Variants in PARP14 observed in about 807,000 individuals in gnomAD.
PARP14 encodes poly(ADP-ribose) polymerase family member 14, also known as protein mono-ADP-ribosyltransferase PARP14.
A neutral mutation model predicts 154.2 loss-of-function variants in PARP14; 59 were observed. The ratio of observed to expected loss-of-function variants is 0.38; its 90% CI spans 0.31 to 0.48. The LOEUF is 0.48. PARP14 is among the 20% of genes least tolerant of loss of function. PARP14 has a pLI of 0.98. For synonymous variants in PARP14, 720 were observed against 780.5 expected (o/e 0.92, Z 1.29); for missense variants, 1,734 against 2,131.6 (o/e 0.81, Z 3.67).
chr3:122,715,635 T>TATC (rs999358215), intron 12 of PARP14, among the ~76,000 whole-genome samples: 1 of 150,556 alleles, frequency 6.6e-6, no homozygotes, highest in Non-Finnish European at 1.5e-5. Context: ...TCTATCTATC[T>TATC]ATCTATCTAT....
Position 122,685,237 on chromosome 3 carries a change from A to G in PARP14, c.240A>G (p.Lys80=), listed in dbSNP as rs756766871. Residue 80 remains lysine (K), a synonymous_variant, in exon 2 of 17, where the codon AAA becomes AAG. Transcript: ENST00000474629. ...ATCATGAGTTGGTATGGCAAGGAAA[A>G]GGAACATTCAAGTTAACTGTCCAGT... ...RKNHELVWQG[K]GTFKLTVQLP... The G allele has an allele frequency of 2.4e-5, 39 of 1,613,772 alleles. No individual in the cohort carries two copies. The highest frequency in any genetic ancestry group is 3.3e-4 in the Middle Eastern group (2 of 6,084).
chr3:122,718,031 CTTT>C, intron 12 of PARP14, 37 bp from the exon 13 acceptor site: 2 of 1,534,354 alleles, frequency 1.3e-6, no homozygotes, highest in Non-Finnish European at 1.8e-6. Context: ...CCACTTGGGG[CTTT>C]TTTGTCCTTC....
At position 122,701,094 on chromosome 3, in the gene PARP14, C is replaced by A; in HGVS notation, c.2540C>A (p.Ala847Asp). 2.5e-6 allele frequency: 4 copies of A among 1,613,990 alleles called. No homozygotes were observed. The highest frequency in any genetic ancestry group is 3.4e-6 in the Non-Finnish European group (4 of 1,179,904). The change falls in exon 6 of 17, where the codon GCC becomes GAC. Residue 847 changes from alanine to aspartate, a missense_variant. Physicochemically the swap from Ala to Asp is moderately radical, Grantham distance 126 (BLOSUM62 -2). Coordinates refer to ENST00000474629, the MANE Select transcript of PARP14 (RefSeq NM_017554.3). This position sits in a 1 kb window ranked among gnomAD's most constrained non-coding sequence, Gnocchi z 4.0. The part of the protein sequence containing the change: ...LSKAAGPELQ[A>D]DCDQIVKREG... ...AAAGCAGCTGGCCCTGAGCTCCAGG[C>A]CGACTGTGACCAGATAGTGAAGAGA...
In PARP14 at chr3:122,680,936, A is replaced by AC. The variant is rs1405165131; in HGVS notation, c.59dup (p.Lys21GlufsTer23). 1 of 1,609,886 alleles carries AC rather than the reference A, an allele frequency of 6.2e-7. No individual in the cohort carries two copies. On this transcript the variant is annotated frameshift_variant, in exon 1 of 17. Coordinates refer to ENST00000474629, the MANE Select transcript of PARP14 (RefSeq NM_017554.3). LOFTEE classifies it high-confidence loss of function. Reference sequence around the variant, plus strand: ...CTGGTCGAGGGCTCCTGGGGCCCCGACCCCCCGAAGAACTTGAACACCAAG... The same window carrying AC: ...CTGGTCGAGGGCTCCTGGGGCCCCGACCCCCCCGAAGAACTTGAACACCAAG...
At position 122,714,520 on chromosome 3, in the gene PARP14, C is replaced by T. The variant is rs1305030855; in HGVS notation, c.4000+91C>T. ...AGTGTGAATGCGGTCAGTGCTGAGT[C>T]TGACCCAGGGCAGCAACCATTAAGC... On this transcript the variant is annotated intron_variant, in intron 12 of 16. Coordinates refer to ENST00000474629, the MANE Select transcript of PARP14 (RefSeq NM_017554.3). 6 of 976,486 alleles carry T rather than the reference C, an allele frequency of 6.1e-6. No homozygotes were observed. In the African/African-American group the frequency reaches 8.5e-5, roughly 14 times the overall value. 60.5% of individuals were successfully genotyped at this position (976,486 alleles called of 1,614,324 possible).
In PARP14 at chr3:122,701,704, A is replaced by AGG. The variant is rs1239984132; in HGVS notation, c.3081+71_3081+72dup. ...TACTTAGTCAGTGGCTCTCTCATGG[A>AGG]GGGCTGAAGAAAGATAAGGACCAAG... is the stretch of plus-strand genomic sequence containing the variant. On this transcript the variant is annotated intron_variant, in intron 6 of 16. Coordinates refer to ENST00000474629, the MANE Select transcript of PARP14 (RefSeq NM_017554.3). The surrounding 1 kb of genome is among the most constrained non-coding windows in gnomAD (Gnocchi z 4.0). 7 of 1,138,042 alleles carry AGG rather than the reference A, an allele frequency of 6.2e-6. No homozygotes were observed. Among genetic ancestry groups the AGG allele is most frequent in the Non-Finnish European group, 8.6e-6 (7 of 810,220 alleles). The allele number at this position is 1,138,042 out of a possible 1,614,324, so 70.5% of individuals were successfully genotyped here.
chr3:122,700,717 G>T lies in PARP14; in HGVS notation c.2163G>T (p.Lys721Asn). The T allele has an allele frequency of 6.2e-7, 1 of 1,612,808 alleles. No individual in the cohort carries two copies. The highest frequency in any genetic ancestry group is 1.1e-5 in the South Asian group (1 of 90,730). ...KQKGILLTGS[K>N]TEVLKAVDIV... ...AAGGCATTTTACTAACTGGCTCAAA[G>T]ACCGAAGTACTGAAGGCAGTGGACA... The change falls in exon 6 of 17, where the codon AAG becomes AAT. Residue 721 changes from lysine (K) to asparagine (N), a missense_variant. Physicochemically the swap from Lys to Asn is moderately conservative, Grantham distance 94 (BLOSUM62 0). This residue lies in a region of PARP14 where 1,646 missense variants were observed against 1,976.0 expected (regional missense o/e 0.83). Coordinates refer to ENST00000474629, the MANE Select transcript of PARP14 (RefSeq NM_017554.3).
chr3:122,720,719 G>C, intron 15 of PARP14: 1 of 458,660 alleles, frequency 2.2e-6, no homozygotes, highest in South Asian at 1.6e-5. Flanking sequence ...CCATGCAGAG[G>C]CTCCTTAGAT....
At chr3:122,683,725 C>T (rs943018401) in intron 1 of PARP14, among the ~76,000 whole-genome samples, 1 of 152,046 alleles carries the variant, frequency 6.6e-6, no homozygotes, top group African/African-American at 2.4e-5. Flanking sequence ...GATCATATAC[C>T]CATATTATTA....
intron 4 of PARP14, among the ~76,000 whole-genome samples, chr3:122,694,576 C>A (rs375374482): frequency 4.6e-5 from 7 of 152,272 alleles, no homozygotes; most frequent in Admixed American, 6.5e-5. Flanking sequence ...GCTCTGTCGC[C>A]CAGGCTGGAA....
rs749138273 is a variant in PARP14, at chr3:122,714,316, A to G, written c.3887A>G (p.Lys1296Arg). ...IITGGGFLRCKNIIHVIGGND... is the reference protein window; with the variant it reads ...IITGGGFLRCRNIIHVIGGND... ...ACCGGAGGTGGATTTTTGAGGTGCA[A>G]GAATATCATTCATGTAATTGGTGGA... Residue 1296 changes from lysine to arginine, a missense_variant, in exon 12 of 17, where the codon AAG becomes AGG. This residue lies in a region of PARP14 where 1,646 missense variants were observed against 1,976.0 expected (regional missense o/e 0.83). Coordinates refer to ENST00000474629, the MANE Select transcript of PARP14 (RefSeq NM_017554.3). The G allele has an allele frequency of 7.7e-5, 123 of 1,601,738 alleles. No individual in the cohort carries two copies. Among genetic ancestry groups the G allele is most frequent in the Non-Finnish European group, 9.8e-5 (115 of 1,176,080 alleles).
intron 5 of PARP14, among the ~76,000 whole-genome samples, chr3:122,699,081 C>G (rs1411749458): frequency 1.3e-5 from 2 of 152,118 alleles, no homozygotes; most frequent in East Asian, 3.8e-4. Flanking sequence ...TTATTCCATT[C>G]AATAAGGGAT....
In PARP14 at chr3:122,692,476, T is replaced by C. The variant is rs1560052470; in HGVS notation, c.531T>C (p.Asn177=). 4 of 1,613,316 alleles carry C rather than the reference T, an allele frequency of 2.5e-6. No individual in the cohort carries two copies. The highest frequency in any genetic ancestry group is 3.4e-6 in the Non-Finnish European group (4 of 1,179,344). Residue 177 remains asparagine (N), a synonymous_variant, in exon 4 of 17, where the codon AAT becomes AAC. Transcript: ENST00000474629. ...TGGAGAACATAAGTGGCCTGTCTAATGATGACTTTCAAGTGGAAATAATAA... is the reference window on the plus strand; with the variant it reads ...TGGAGAACATAAGTGGCCTGTCTAACGATGACTTTCAAGTGGAAATAATAA... ...LLVENISGLS[N]DDFQVEIIRD... is the part of the protein sequence containing the mutation.
chr3:122,718,761 G>A lies in PARP14; in HGVS notation c.4610G>A (p.Trp1537Ter), dbSNP rs1427836708. The change falls in exon 14 of 17, where the codon TGG (tryptophan) becomes TAG (stop). Residue 1537 changes from tryptophan (W) to a stop codon, truncating the protein, a stop_gained. Transcript: ENST00000474629. LOFTEE classifies it high-confidence loss of function. ...RADCISEFIE[W>*]QYNDNNTSHC... is the part of the protein sequence containing the mutation. ...GATTGTATCAGTGAGTTTATAGAAT[G>A]GCAGTATAATGACAATAACACTTCT... 4.3e-6 allele frequency: 7 copies of A among 1,613,414 alleles called. No individual in the cohort carries two copies. Among genetic ancestry groups the A allele is most frequent in the Non-Finnish European group, 5.1e-6 (6 of 1,179,632 alleles).
Position 122,700,270 on chromosome 3 carries a change from T to C in PARP14, c.1716T>C (p.Gly572=), listed in dbSNP as rs766391546. 4 of 1,612,842 alleles carry C rather than the reference T, an allele frequency of 2.5e-6. No homozygotes were observed. The highest frequency in any genetic ancestry group is 3.4e-6 in the Non-Finnish European group (4 of 1,179,348). The change falls in exon 6 of 17, where the codon GGT becomes GGC. Residue 572 remains glycine (G), a synonymous_variant. Transcript: ENST00000474629. ...QKILALYELE[G]TTVLLTSCSS... ...TTCTTGCACTTTATGAGCTAGAGGG[T>C]ACAACTGTTCTCTTAACCAGCTGTT...
intron 12 of PARP14, among the ~76,000 whole-genome samples, chr3:122,717,618 C>G (rs1220459691): frequency 6.6e-6 from 1 of 152,222 alleles, no homozygotes; most frequent in African/African-American, 2.4e-5. Flanking sequence ...AGGATACATA[C>G]ATAAAATCAA....
Position 122,720,407 on chromosome 3 carries a change from T to G in PARP14, c.4941+19T>G. On this transcript the variant is annotated intron_variant, in intron 15 of 16. Transcript: ENST00000474629. ...AGAGAAGGTAAGCCTTCTGCTAGAATGCAGTTTCTGGATGGTGGAAATAAG... is the reference window on the plus strand; with the variant it reads ...AGAGAAGGTAAGCCTTCTGCTAGAAGGCAGTTTCTGGATGGTGGAAATAAG... 1.2e-6 allele frequency: 2 copies of G among 1,609,852 alleles called. No individual in the cohort carries two copies. Among genetic ancestry groups the G allele is most frequent in the Admixed American group, 1.7e-5 (1 of 59,630 alleles).
Position 122,701,160 on chromosome 3 carries a change from C to G in PARP14, c.2606C>G (p.Ala869Gly). The G allele has an allele frequency of 6.2e-7, 1 of 1,613,846 alleles. No individual in the cohort carries two copies. The highest frequency in any genetic ancestry group is 8.5e-7 in the Non-Finnish European group (1 of 1,179,814). Residue 869 changes from alanine (A) to glycine (G), a missense_variant, in exon 6 of 17, where the codon GCA (alanine) becomes GGA (glycine). Ala to Gly is a moderately conservative substitution (Grantham distance 60, BLOSUM62 0). Coordinates refer to ENST00000474629, the MANE Select transcript of PARP14 (RefSeq NM_017554.3). This position sits in a 1 kb window ranked among gnomAD's most constrained non-coding sequence, Gnocchi z 4.0. ...CCGGGCAATGCCACCATCTCCAAGGCAGGAAAGCTGCCCTACCACCACGTG... is the reference window on the plus strand; with the variant it reads ...CCGGGCAATGCCACCATCTCCAAGGGAGGAAAGCTGCCCTACCACCACGTG... ...LLPGNATISK[A>G]GKLPYHHVIH...
At chr3:122,714,214 C>A in intron 11 of PARP14, 48 bp from the exon 12 acceptor site, 1 of 1,483,198 alleles carries the variant, frequency 6.7e-7, no homozygotes, top group Non-Finnish European at 9.1e-7. Context: ...AAACAAATGA[C>A]GGGTTCAACT....
Sources: gnomAD v4.1 joint callset for allele counts (sites outside exome capture counted in the v4.1 genomes callset) on GRCh38, gnomAD v4.1.1 for gene constraint, gnomAD v4.1.1 regional missense constraint, Gnocchi (gnomAD v3.1) non-coding constraint, MANE v1.5 for transcripts, NCBI Gene and HGNC (gene_info 2026-07-23, HGNC 2026-07-21) for gene names.